MTMR3: variants seen among roughly 807,000 people sequenced by gnomAD.
The protein encoded by MTMR3 is phosphatidylinositol-3,5-bisphosphate 3-phosphatase MTMR3.
A neutral mutation model predicts 132.4 loss-of-function variants in MTMR3; 32 were observed. That is an observed-to-expected ratio of 0.24 (90% CI 0.18 to 0.32). MTMR3 has a LOEUF of 0.32. MTMR3 is among the 10% of genes least tolerant of loss of function. The pLI is 1.00. For missense variants in MTMR3, 1,216 were observed against 1,489.6 expected (o/e 0.82, Z 3.02); for synonymous variants, 556 against 550.3 (o/e 1.01, Z -0.14).
chr22:29,971,345 C>G (rs1004357388), intron 3 of MTMR3, among the ~76,000 whole-genome samples: 2 of 152,114 alleles, frequency 1.3e-5, no homozygotes, highest in Admixed American at 1.3e-4. Context: ...CTAAAACATA[C>G]AGTTCTCGGA....
chr22:29,998,883 T>C, intron 8 of MTMR3, 26 bp downstream of exon 8: 1 of 1,525,532 alleles, frequency 6.6e-7, no homozygotes, highest in Non-Finnish European at 9.0e-7. Context: ...CCCTGTGGAC[T>C]GTTTCACAGC....
At chr22:29,940,272 G>GA (rs943934233) in intron 1 of MTMR3, among the ~76,000 whole-genome samples, 39 of 150,904 alleles carry the variant, frequency 2.6e-4, no homozygotes, top group Middle Eastern at 3.4e-3. Flanking sequence ...CGTTTCAAAA[G>GA]AAAAAAAAAT....
chr22:29,995,151 G>A lies in MTMR3; in HGVS notation c.460+3481G>A, dbSNP rs532587386. The A allele has an allele frequency of 2.0e-5, 3 of 152,324 alleles. No individual in the cohort carries two copies. In the East Asian group the frequency reaches 5.8e-4, roughly 29 times the overall value. 9.4% of individuals were successfully genotyped at this position (152,324 alleles called of 1,614,324 possible). A position where few individuals can be genotyped will look rare whatever the true frequency, so the allele number is the denominator to read the frequency against. On this transcript the variant is annotated intron_variant, in intron 7 of 19. Coordinates refer to ENST00000401950, the MANE Select transcript of MTMR3 (RefSeq NM_021090.4). ...CCTTAAGCCCATCTTGTTTATCCAC[G>A]ACTAGCATATGACTCTGGGTCTTAA... is the stretch of plus-strand genomic sequence containing the variant.
intron 19 of MTMR3, chr22:30,023,141 TAG>T: frequency 2.3e-6 from 1 of 436,198 alleles, no homozygotes; most frequent in Non-Finnish European, 4.2e-6. Flanking sequence ...TGGGAAGTAG[TAG>T]AGACAGCTGA....
rs754085345 is a variant in MTMR3 at position 30,013,505 on chromosome 22, A to G, written c.1467A>G (p.Gln489=). The change falls in exon 14 of 20, where the codon CAA becomes CAG. Residue 489 remains glutamine, a synonymous_variant. Coordinates refer to ENST00000401950, the MANE Select transcript of MTMR3 (RefSeq NM_021090.4). ...ACTGTGTTCATCAGCTTCAGAGGCA[A>G]TTTCCTTGCTCTTTTGAGTTCAATG... is the stretch of plus-strand genomic sequence containing the variant. The part of the protein sequence containing the change: ...WLDCVHQLQR[Q]FPCSFEFNEA... 1 of 1,614,024 alleles carries G rather than the reference A, an allele frequency of 6.2e-7. No homozygotes were observed. Among genetic ancestry groups the G allele is most frequent in the Non-Finnish European group, 8.5e-7 (1 of 1,179,966 alleles).
chr22:29,998,608 A>G, intron 7 of MTMR3, 153 bp from the exon 8 acceptor site: 1 of 376,372 alleles, frequency 2.7e-6, no homozygotes, highest in South Asian at 4.2e-5. Context: ...ACACCACTGC[A>G]CTCCGGCCTA....
intron 14 of MTMR3, chr22:30,014,362 C>T (rs1038643388): frequency 6.6e-6 from 1 of 152,320 alleles, no homozygotes; most frequent in African/African-American, 2.4e-5. Context: ...TTAACCACTC[C>T]TTCCTTGAAA....
intron 1 of MTMR3, among the ~76,000 whole-genome samples, chr22:29,934,225 G>A (rs551744425): frequency 1.2e-4 from 18 of 152,186 alleles, no homozygotes; most frequent in East Asian, 1.2e-3. Flanking sequence ...ATTGTGGCGG[G>A]CACCTGTAGA....
At chr22:29,953,728 G>A (rs1173903188) in intron 1 of MTMR3, among the ~76,000 whole-genome samples, 1 of 152,152 alleles carries the variant, frequency 6.6e-6, no homozygotes, top group Non-Finnish European at 1.5e-5. Context: ...TCTTATTTCA[G>A]ATAACTTCCA....
At chr22:29,892,029 T>C (rs1487246234) in intron 1 of MTMR3, among the ~76,000 whole-genome samples, 3 of 151,958 alleles carry the variant, frequency 2.0e-5, no homozygotes, top group Non-Finnish European at 4.4e-5. Context: ...GGCACGCGCC[T>C]GTAGTTCCAG....
chr22:29,927,935 C>CTTTGT lies in MTMR3; in HGVS notation c.-137-29097_-137-29093dup, dbSNP rs1555898532. 4.9e-4 allele frequency among the ~76,000 whole-genome samples: 53 copies of CTTTGT among 108,492 alleles called. 1 individual carries two copies. The highest frequency in any genetic ancestry group is 1.1e-3 in the Admixed American group (11 of 9,758). The allele number at this position is 108,492 out of a possible 152,430, so 71.2% of individuals were successfully genotyped here. A position where few individuals can be genotyped will look rare whatever the true frequency, so the allele number is the denominator to read the frequency against. On this transcript the variant is annotated intron_variant, in intron 1 of 19. Coordinates refer to ENST00000401950, the MANE Select transcript of MTMR3 (RefSeq NM_021090.4). ...AAAATGTAATGCTAAAATCTCTAGC[C>CTTTGT]TTTGTTTTTTTTTTTTTTTTTTTGA...
chr22:30,006,951 T>C (rs2067285272), intron 9 of MTMR3, 163 bp from the exon 10 acceptor site: 2 of 644,108 alleles, frequency 3.1e-6, no homozygotes, highest in Non-Finnish European at 5.3e-6. Flanking sequence ...TTTGTTCTTG[T>C]TGGTTGTGTA....
chr22:29,960,860 C>T (rs2066297862), intron 2 of MTMR3, among the ~76,000 whole-genome samples: 1 of 152,082 alleles, frequency 6.6e-6, no homozygotes, highest in African/African-American at 2.4e-5. Flanking sequence ...TTCATTAAAA[C>T]TTATTTTGAG....
At chr22:29,896,225 G>A (rs559530698) in intron 1 of MTMR3, among the ~76,000 whole-genome samples, 2 of 152,276 alleles carry the variant, frequency 1.3e-5, no homozygotes, top group Non-Finnish European at 2.9e-5. Context: ...CACGAGAATC[G>A]CTTGAACACA....
At chr22:29,929,375 AAC>A (rs1416122127) in intron 1 of MTMR3, among the ~76,000 whole-genome samples, 3 of 152,170 alleles carry the variant, frequency 2.0e-5, no homozygotes, top group African/African-American at 7.2e-5. Context: ...TTTGATGGAA[AAC>A]AGTTTCTTTA....
intron 5 of MTMR3, chr22:29,986,969 G>A (rs1028863502): frequency 6.6e-6 from 1 of 152,138 alleles, no homozygotes; most frequent in Non-Finnish European, 1.5e-5. Flanking sequence ...TCAAACTCCT[G>A]ACCTCAGGTG....
intron 1 of MTMR3, among the ~76,000 whole-genome samples, chr22:29,911,731 T>C (rs1040095930): frequency 6.6e-6 from 1 of 152,190 alleles, no homozygotes; most frequent in African/African-American, 2.4e-5. Flanking sequence ...ACACTCAGTT[T>C]ATATATGAGA....
At chr22:29,893,804 G>GTATAAA (rs2064842257) in intron 1 of MTMR3, among the ~76,000 whole-genome samples, 2 of 151,830 alleles carry the variant, frequency 1.3e-5, no homozygotes, top group Non-Finnish European at 2.9e-5. Context: ...TTTCTACAAC[G>GTATAAA]AGCATGTATT....
At chr22:29,931,967 A>C (rs567404493) in intron 1 of MTMR3, among the ~76,000 whole-genome samples, 1 of 152,006 alleles carries the variant, frequency 6.6e-6, no homozygotes, top group Non-Finnish European at 1.5e-5. Flanking sequence ...TTCACTGTAC[A>C]CCTTCTCAAA....
Sources: gnomAD v4.1 joint callset for allele counts (sites outside exome capture counted in the v4.1 genomes callset) on GRCh38, gnomAD v4.1.1 for gene constraint, MANE v1.5 for transcripts, NCBI Gene and HGNC (gene_info 2026-07-23, HGNC 2026-07-21) for gene names.